Variants in BLM observed in about 807,000 individuals in gnomAD.
The protein encoded by BLM is BLM RecQ like helicase.
A neutral mutation model predicts 135.3 loss-of-function variants in BLM; 95 were observed. The ratio of observed to expected loss-of-function variants is 0.70; its 90% CI spans 0.59 to 0.83. The LOEUF (loss-of-function observed/expected upper bound fraction) is 0.83. Among genes scored for constraint, BLM ranks in the 40% least tolerant of loss-of-function variants. The pLI, the probability that BLM is intolerant of heterozygous loss-of-function variation, is 0.00. For synonymous variants in BLM, 520 were observed against 589.2 expected (o/e 0.88, Z 1.70); for missense variants, 1,518 against 1,663.9 (o/e 0.91, Z 1.53).
At position 90,749,552 on chromosome 15, in the gene BLM, C is replaced by A. The variant is rs751028188; in HGVS notation, c.284C>A (p.Ala95Glu). ...AAGGACTTCTTTAAAAATGCTCCAG[C>A]AGGACAGGAAACACAGAGAGGTGGA... Reference protein sequence around the residue: ...RVKDFFKNAPAGQETQRGGSK... With the variant: ...RVKDFFKNAPEGQETQRGGSK... Residue 95 changes from alanine (A) to glutamate (E), a missense_variant, in exon 3 of 22, where the codon GCA becomes GAA. Ala to Glu is a moderately radical substitution (Grantham distance 107). Coordinates refer to ENST00000355112, the MANE Select transcript of BLM (RefSeq NM_000057.4). 2 of 1,614,184 alleles carry A rather than the reference C, an allele frequency of 1.2e-6. No individual in the cohort carries two copies. Among genetic ancestry groups the A allele is most frequent in the Admixed American group, 1.7e-5 (1 of 60,024 alleles).
Position 90,794,209 on chromosome 15 carries a change from A to C in BLM, c.3062A>C (p.Asn1021Thr). 1 of 1,606,164 alleles carries C rather than the reference A, an allele frequency of 6.2e-7. No individual in the cohort carries two copies. Among genetic ancestry groups the C allele is most frequent in the African/African-American group, 1.3e-5 (1 of 74,888 alleles). Residue 1021 changes from asparagine to threonine, a missense_variant, in exon 16 of 22, where the codon AAT becomes ACT. This residue lies in a region of BLM where 626 missense variants were observed against 681.1 expected (regional missense o/e 0.92). Coordinates refer to ENST00000355112, the MANE Select transcript of BLM (RefSeq NM_000057.4). The part of the protein sequence containing the change: ...GNHHTRETHF[N>T]NLYSMVHYCE... ...CATCATACAAGAGAAACTCACTTCA[A>C]TAATTTGTATAGCATGGTACATTAC...
At chr15:90,798,716 T>A (rs1313790343) in intron 17 of BLM, among the ~76,000 whole-genome samples, 3 of 152,160 alleles carry the variant, frequency 2.0e-5, no homozygotes, top group African/African-American at 7.2e-5. Flanking sequence ...GCACAGTGGC[T>A]CACACCTGTA....
rs28385101 is a variant in BLM, at chr15:90,794,101, T to C, written c.3020-66T>C. 7.7e-4 allele frequency: 934 copies of C among 1,213,784 alleles called. 5 individuals carry two copies. In the African/African-American group the frequency reaches 0.013, roughly 17 times the overall value. The allele number at this position is 1,213,784 out of a possible 1,614,324, so 75.2% of individuals were successfully genotyped here. A position where few individuals can be genotyped will look rare whatever the true frequency, so the allele number is the denominator to read the frequency against. On this transcript the variant is annotated intron_variant, in intron 15 of 21. Coordinates refer to ENST00000355112, the MANE Select transcript of BLM (RefSeq NM_000057.4). ...TAAAGTTATATGAATCTATTCTAAA[T>C]ATTTCTATGATATGCTCTATTTTTC...
intron 1 of BLM, among the ~76,000 whole-genome samples, chr15:90,721,174 A>C (rs1252084670): frequency 6.6e-6 from 1 of 152,054 alleles, no homozygotes; most frequent in Non-Finnish European, 1.5e-5. Flanking sequence ...TTATTAGAAA[A>C]ATTTCACAAT....
chr15:90,731,601 G>A (rs1024294921), intron 1 of BLM, among the ~76,000 whole-genome samples: 1 of 152,042 alleles, frequency 6.6e-6, no homozygotes, highest in Non-Finnish European at 1.5e-5. Context: ...GTTTTGATAA[G>A]TTAATTTTTA....
intron 19 of BLM, among the ~76,000 whole-genome samples, chr15:90,806,142 A>T (rs1055783177): frequency 6.6e-6 from 1 of 152,194 alleles, no homozygotes; most frequent in Non-Finnish European, 1.5e-5. Context: ...TTTCTTCCTT[A>T]ATAGTCCATA....
At chr15:90,766,777 G>A (rs1896140094) in intron 9 of BLM, 133 bp from the exon 10 acceptor site, 1 of 642,604 alleles carries the variant, frequency 1.6e-6, no homozygotes, top group African/African-American at 1.8e-5. Flanking sequence ...TTACATACTT[G>A]TTATGTTGAG....
chr15:90,740,359 T>C (rs1895333294), intron 1 of BLM, among the ~76,000 whole-genome samples: 1 of 152,228 alleles, frequency 6.6e-6, no homozygotes, highest in Non-Finnish European at 1.5e-5. Context: ...CTGGATTCTT[T>C]CACTTAACAT....
intron 19 of BLM, among the ~76,000 whole-genome samples, chr15:90,807,574 A>AT (rs972232505): frequency 1.3e-5 from 2 of 151,458 alleles, no homozygotes; most frequent in Non-Finnish European, 2.9e-5. Context: ...TAGCTTTTTT[A>AT]TTTTTTTGCA....
At chr15:90,744,563 G>A (rs188533531) in intron 1 of BLM, among the ~76,000 whole-genome samples, 1 of 151,780 alleles carries the variant, frequency 6.6e-6, no homozygotes, top group African/African-American at 2.4e-5. Flanking sequence ...GTAGAGACAG[G>A]GATTCACCAT....
intron 7 of BLM, chr15:90,762,541 G>C: frequency 1.5e-5 from 3 of 200,206 alleles, no homozygotes; most frequent in Non-Finnish European, 2.1e-5. Context: ...CACGGGTCAT[G>C]TTTAAGATCA....
intron 4 of BLM, among the ~76,000 whole-genome samples, chr15:90,754,206 G>T (rs967382201): frequency 6.6e-6 from 1 of 152,040 alleles, no homozygotes; most frequent in African/African-American, 2.4e-5. Context: ...CACTCATTCA[G>T]TACTAATTTA....
rs534413354 is a variant in BLM, at chr15:90,799,906, C to T, written c.3358+1569C>T. Reference sequence around the variant, plus strand: ...GAGGAAGGGGAGAAGGAGGGGGGCACTTATGGAAAAACAAATGACTGTTAG... The same window carrying T: ...GAGGAAGGGGAGAAGGAGGGGGGCATTTATGGAAAAACAAATGACTGTTAG... On this transcript the variant is annotated intron_variant, in intron 17 of 21. Transcript: ENST00000355112. 9.3e-4 allele frequency among the ~76,000 whole-genome samples: 142 copies of T among 152,106 alleles called. 1 individual carries two copies. Among genetic ancestry groups the T allele is most frequent in the African/African-American group, 3.2e-3 (134 of 41,486 alleles).
At chr15:90,805,158 A>G (rs1897261158) in intron 19 of BLM, among the ~76,000 whole-genome samples, 1 of 151,546 alleles carries the variant, frequency 6.6e-6, no homozygotes, top group Non-Finnish European at 1.5e-5. Context: ...TTTTTTTTTA[A>G]GGACATCTGA....
At chr15:90,766,075 A>G (rs1403341440) in intron 9 of BLM, among the ~76,000 whole-genome samples, 2 of 152,192 alleles carry the variant, frequency 1.3e-5, no homozygotes, top group African/African-American at 4.8e-5. Context: ...TGCCACTACA[A>G]TCTAGCCTTG....
intron 14 of BLM, among the ~76,000 whole-genome samples, chr15:90,787,905 G>A (rs769378735): frequency 6.6e-6 from 1 of 151,744 alleles, no homozygotes; most frequent in African/African-American, 2.4e-5. Flanking sequence ...AGCCGAGATC[G>A]TGCCACTGTA....
At chr15:90,746,804 A>G (rs1895513287) in intron 1 of BLM, among the ~76,000 whole-genome samples, 1 of 152,204 alleles carries the variant, frequency 6.6e-6, no homozygotes. Flanking sequence ...GCTCAGCGTT[A>G]CCACAGCTTG....
intron 3 of BLM, 57 bp from the exon 4 acceptor site, chr15:90,751,730 T>A: frequency 6.7e-7 from 1 of 1,485,436 alleles, no homozygotes; most frequent in South Asian, 1.1e-5. Flanking sequence ...TCATGCCCTG[T>A]TCTTTCTGTC....
At chr15:90,751,969 A>G (rs1175614504) in intron 4 of BLM, 23 bp downstream of exon 4, 1 of 1,563,874 alleles carries the variant, frequency 6.4e-7, no homozygotes, top group Non-Finnish European at 8.8e-7. Context: ...AATAATTAGC[A>G]TTATTATTTG....
Sources: allele counts gnomAD v4.1 joint callset (sites outside exome capture counted in the v4.1 genomes callset), GRCh38; gene constraint gnomAD v4.1.1; regional missense constraint gnomAD v4.1.1; transcripts MANE v1.5; gene names NCBI Gene and HGNC (gene_info 2026-07-23, HGNC 2026-07-21).